Variants in NLGN4Y observed in about 807,000 individuals in gnomAD.
NLGN4Y encodes neuroligin 4 Y-linked, also known as neuroligin-4, Y-linked.
Under a neutral mutation model 8.4 loss-of-function variants are expected in NLGN4Y, and 4 were observed. The ratio of observed to expected loss-of-function variants is 0.48; its 90% CI spans 0.23 to 1.09. The LOEUF is 1.09. NLGN4Y is among the 50% of genes least tolerant of loss of function. The probability of loss-of-function intolerance (pLI) is 0.19; values close to 1 mark genes in which losing one functional copy is unlikely to be tolerated. For synonymous variants in NLGN4Y, 35 were observed against 75.6 expected, an observed-to-expected ratio of 0.46 and a Z score of 2.78; for missense variants, 90 against 192.3, an observed-to-expected ratio of 0.47 and a Z score of 3.15.
chrY:14,760,737 C>T (rs2081077291), intron 4 of NLGN4Y, among the ~76,000 whole-genome samples: 1 of 33,044 alleles, frequency 3.0e-5, no homozygotes, highest in African/African-American at 1.2e-4. Context: ...ACAAAGTCTA[C>T]GTGTTGAAAA....
At chrY:14,800,586 A>C (rs1025079601) in intron 4 of NLGN4Y, among the ~76,000 whole-genome samples, 9 of 30,229 alleles carry the variant, frequency 3.0e-4, no homozygotes, top group Non-Finnish European at 4.7e-4. Flanking sequence ...TTCTCTCTAT[A>C]TATATATTTT....
intron 1 of NLGN4Y, among the ~76,000 whole-genome samples, chrY:14,575,683 G>C: frequency 3.0e-5 from 1 of 33,385 alleles, no homozygotes; most frequent in Non-Finnish European, 7.4e-5. Flanking sequence ...AGAGTTTCCT[G>C]TTTTTCTGTT....
intron 2 of NLGN4Y, among the ~76,000 whole-genome samples, chrY:14,651,332 C>T: frequency 1.5e-4 from 5 of 33,307 alleles, no homozygotes. Flanking sequence ...TAAACATCTT[C>T]TAAGCTTATG....
chrY:14,709,500 G>A (rs2080893492), intron 2 of NLGN4Y, among the ~76,000 whole-genome samples: 2 of 33,301 alleles, frequency 6.0e-5, no homozygotes, highest in Admixed American at 2.8e-4. Flanking sequence ...ATCACCTTAG[G>A]TCCTGAGTTT....
intron 1 of NLGN4Y, among the ~76,000 whole-genome samples, chrY:14,595,242 G>A: frequency 9.2e-5 from 3 of 32,786 alleles, no homozygotes; most frequent in African/African-American, 2.4e-4. Context: ...GGACATAACC[G>A]ACAGCCCGGG....
intron 4 of NLGN4Y, among the ~76,000 whole-genome samples, chrY:14,754,574 C>A: frequency 3.0e-5 from 1 of 32,974 alleles, no homozygotes; most frequent in African/African-American, 1.2e-4. Flanking sequence ...TTCCATTAAT[C>A]ACTACTGCTA....
At chrY:14,716,433 A>G (rs756735680) in intron 2 of NLGN4Y, among the ~76,000 whole-genome samples, 3 of 33,858 alleles carry the variant, frequency 8.9e-5, no homozygotes, top group Admixed American at 8.1e-4. Context: ...TTGGTTATTC[A>G]TATGTAAAAA....
chrY:14,675,630 C>T (rs1028713532), intron 2 of NLGN4Y, among the ~76,000 whole-genome samples: 6 of 32,331 alleles, frequency 1.9e-4, no homozygotes, highest in Non-Finnish European at 4.5e-4. Flanking sequence ...ATACCTGAAA[C>T]TGGTTTATAA....
intron 2 of NLGN4Y, among the ~76,000 whole-genome samples, chrY:14,702,289 T>C (rs746363862): frequency 3.1e-5 from 1 of 32,330 alleles, no homozygotes; most frequent in East Asian, 9.6e-4. Flanking sequence ...GTTAGGTATA[T>C]CTCCTAATGC....
At chrY:14,637,982 C>T (rs2080573516) in intron 2 of NLGN4Y, among the ~76,000 whole-genome samples, 1 of 31,142 alleles carries the variant, frequency 3.2e-5, no homozygotes. Context: ...AGTGTTTAGC[C>T]TTAGCAACCT....
intron 2 of NLGN4Y, among the ~76,000 whole-genome samples, chrY:14,709,851 A>G: frequency 8.9e-5 from 3 of 33,799 alleles, no homozygotes; most frequent in Non-Finnish European, 2.2e-4. Flanking sequence ...AATAATTCAA[A>G]TAACCTGTAT....
At chrY:14,757,255 T>C (rs2081064295) in intron 4 of NLGN4Y, among the ~76,000 whole-genome samples, 1 of 32,408 alleles carries the variant, frequency 3.1e-5, no homozygotes, top group African/African-American at 1.2e-4. Flanking sequence ...ATTCTCTCGT[T>C]TAATCTATCT....
chrY:14,592,594 A>G, intron 1 of NLGN4Y, among the ~76,000 whole-genome samples: 1 of 32,204 alleles, frequency 3.1e-5, no homozygotes, highest in Non-Finnish European at 7.5e-5. Flanking sequence ...CACTCCTGCC[A>G]TGTTAACTGC....
intron 4 of NLGN4Y, among the ~76,000 whole-genome samples, chrY:14,783,564 T>C: frequency 8.9e-5 from 3 of 33,641 alleles, no homozygotes; most frequent in Non-Finnish European, 2.2e-4. Context: ...AGGTTCCATA[T>C]ATATTTATCA....
Position 14,620,545 on chromosome Y carries a change from T to G in NLGN4Y, c.-111-1464T>G. Among the ~76,000 whole-genome samples, 5 of 33,949 alleles carry G rather than the reference T, an allele frequency of 1.5e-4. No individual in the cohort carries two copies. The South Asian group carries it at 3.3e-3, about 22-fold the overall frequency. 91.1% of individuals were successfully genotyped at this position (33,949 alleles called of 37,273 possible). Reference sequence around the variant, plus strand: ...CCCAGTAGGTATTATTGTTCTGTGATAGATCCAGTTCCAATATGTTTTATT... The same window carrying G: ...CCCAGTAGGTATTATTGTTCTGTGAGAGATCCAGTTCCAATATGTTTTATT... On this transcript the variant is annotated intron_variant, in intron 1 of 6. Transcript: ENST00000684976.
chrY:14,781,097 G>T (rs2150576497), intron 4 of NLGN4Y, among the ~76,000 whole-genome samples: 2 of 33,655 alleles, frequency 5.9e-5, no homozygotes, highest in African/African-American at 1.2e-4. Flanking sequence ...AAATGCAAAA[G>T]ACTAGATCCT....
At chrY:14,695,881 A>G (rs747585228) in intron 2 of NLGN4Y, among the ~76,000 whole-genome samples, 1 of 32,381 alleles carries the variant, frequency 3.1e-5, no homozygotes, top group African/African-American at 1.2e-4. Flanking sequence ...CTGAAGGTTC[A>G]TAGTCCTCTT....
chrY:14,722,653 G>T, intron 3 of NLGN4Y, among the ~76,000 whole-genome samples: 1 of 25,922 alleles, frequency 3.9e-5, no homozygotes, highest in Non-Finnish European at 8.9e-5. Flanking sequence ...GGATCACGAG[G>T]TCAGGAGATC....
intron 1 of NLGN4Y, among the ~76,000 whole-genome samples, chrY:14,543,061 A>G: frequency 3.0e-5 from 1 of 32,955 alleles, no homozygotes; most frequent in Non-Finnish European, 7.5e-5. Context: ...GCAGCAAACC[A>G]CTATGTCATG....
Sources: allele counts gnomAD v4.1 joint callset (sites outside exome capture counted in the v4.1 genomes callset), GRCh38; gene constraint gnomAD v4.1.1; transcripts MANE v1.5; gene names NCBI Gene and HGNC (gene_info 2026-07-23, HGNC 2026-07-21).